Variants in PTPRD observed in about 807,000 individuals in gnomAD.
PTPRD encodes the protein receptor-type tyrosine-protein phosphatase delta.
In PTPRD, 34 loss-of-function variants were observed where a neutral mutation model predicts 214.5. The ratio of observed to expected loss-of-function variants is 0.16; its 90% CI spans 0.12 to 0.21. The LOEUF (loss-of-function observed/expected upper bound fraction) is 0.21. PTPRD is among the 10% of genes least tolerant of loss of function. The probability of loss-of-function intolerance (pLI) is 1.00; values close to 1 mark genes in which losing one functional copy is unlikely to be tolerated. For synonymous variants in PTPRD, 1,128 were observed against 845.7 expected (o/e 1.33, Z -5.79); for missense variants, 2,545 against 2,398.7 (o/e 1.06, Z -1.27).
intron 5 of PTPRD, among the ~76,000 whole-genome samples, chr9:9,917,808 T>G (rs994903535): frequency 1.3e-5 from 2 of 152,188 alleles, no homozygotes; most frequent in Non-Finnish European, 2.9e-5. Context: ...ATAAATGTGA[T>G]ACATCACATT....
At chr9:10,322,143 T>G (rs192843503) in intron 3 of PTPRD, among the ~76,000 whole-genome samples, 1 of 151,994 alleles carries the variant, frequency 6.6e-6, no homozygotes, top group African/African-American at 2.4e-5. Flanking sequence ...CATTAAATAT[T>G]TGATCAGCTT....
intron 5 of PTPRD, among the ~76,000 whole-genome samples, chr9:9,825,326 G>C (rs10816191): frequency 0.1 from 15,089 of 151,284 alleles, 2,278 homozygotes; most frequent in East Asian, 0.74. Flanking sequence ...GAAAGAAAGA[G>C]AGAGAGAAAG....
intron 8 of PTPRD, among the ~76,000 whole-genome samples, chr9:9,406,392 A>G (rs1222728835): frequency 6.6e-6 from 1 of 151,922 alleles, no homozygotes; most frequent in East Asian, 1.9e-4. Context: ...AAGAATTAAG[A>G]AAGTAAGAGA....
rs114596672 is a variant in PTPRD at position 8,404,084 on chromosome 9, G to C, written c.4210+453C>G. Reference sequence around the variant, plus strand: ...GCCTATGTATAATTTATTTGTGTGAGAAAGAAAAAGTAGGAAAAAGCTATG... The same window carrying C: ...GCCTATGTATAATTTATTTGTGTGACAAAGAAAAAGTAGGAAAAAGCTATG... On this transcript the variant is annotated intron_variant, in intron 36 of 45. Coordinates refer to ENST00000381196, the MANE Select transcript of PTPRD (RefSeq NM_002839.4). Among the ~76,000 whole-genome samples the C allele has an allele frequency of 3.9e-3, 591 of 152,260 alleles. 11 individuals are homozygous for C. The highest frequency in any genetic ancestry group is 0.014 in the African/African-American group (565 of 41,558).
intron 9 of PTPRD, among the ~76,000 whole-genome samples, chr9:9,354,941 A>T (rs1287473346): frequency 6.6e-6 from 1 of 151,770 alleles, no homozygotes; most frequent in Non-Finnish European, 1.5e-5. Context: ...AAAGGAGGAA[A>T]ATGTGACAGT....
At position 10,243,964 on chromosome 9, in the gene PTPRD, A is replaced by C. The variant is rs376794113; in HGVS notation, c.-545+96999T>G. ...TTGTTGTATAACACTAGGTAAATTA[A>C]CCTCTTAACAGCTTGTTCATCTCTA... On this transcript the variant is annotated intron_variant, in intron 3 of 45. Transcript: ENST00000381196. Among the ~76,000 whole-genome samples the C allele has an allele frequency of 3.3e-5, 5 of 152,178 alleles. No homozygotes were observed. In the East Asian group the frequency reaches 7.7e-4, roughly 24 times the overall value.
intron 2 of PTPRD, among the ~76,000 whole-genome samples, chr9:10,578,992 AT>A (rs2070684008): frequency 6.6e-6 from 1 of 151,956 alleles, no homozygotes; most frequent in Non-Finnish European, 1.5e-5. Flanking sequence ...TGCCATGGTG[AT>A]TTGCTGCACC....
In PTPRD at chr9:8,497,225, A is replaced by C; in HGVS notation, c.2349+17T>G. On this transcript the variant is annotated intron_variant, in intron 26 of 45. Coordinates refer to ENST00000381196, the MANE Select transcript of PTPRD (RefSeq NM_002839.4). ...ATATATAGTCTGCTTTTGACAAAAC[A>C]GTCAAAAATTACTCACATGTTCAGT... 1.3e-6 allele frequency: 2 copies of C among 1,585,666 alleles called. No individual in the cohort carries two copies. Among genetic ancestry groups the C allele is most frequent in the South Asian group, 1.2e-5 (1 of 85,242 alleles).
Position 9,066,206 on chromosome 9 carries a change from CT to C in PTPRD, c.-142-47472del, listed in dbSNP as rs1018765887. 1.6e-4 allele frequency among the ~76,000 whole-genome samples: 24 copies of C among 152,094 alleles called. No individual in the cohort carries two copies. The South Asian group carries it at 2.9e-3, about 18-fold the overall frequency. ...CTCATAAAATCAATTAGGATGGGTCCTTTTTTTATTCCCTGGAAGATTTTGT... is the reference window on the plus strand; with the variant it reads ...CTCATAAAATCAATTAGGATGGGTCCTTTTTTATTCCCTGGAAGATTTTGT... On this transcript the variant is annotated intron_variant, in intron 10 of 45. Transcript: ENST00000381196.
At chr9:8,859,806 G>GGT (rs779840416) in intron 11 of PTPRD, 1 of 151,008 alleles carries the variant, frequency 6.6e-6, no homozygotes, top group South Asian at 2.1e-4. Context: ...CAGCAATTTG[G>GGT]GGGTGGGGGA....
At chr9:9,416,311 A>G (rs184355225) in intron 8 of PTPRD, among the ~76,000 whole-genome samples, 1 of 152,314 alleles carries the variant, frequency 6.6e-6, no homozygotes, top group African/African-American at 2.4e-5. Flanking sequence ...CAGTGTTATG[A>G]GTGGGTAAGT....
chr9:9,456,005 T>C (rs977990436), intron 8 of PTPRD, among the ~76,000 whole-genome samples: 1 of 151,852 alleles, frequency 6.6e-6, no homozygotes, highest in African/African-American at 2.4e-5. Context: ...GCCATATTTA[T>C]TGATAAATGT....
intron 8 of PTPRD, among the ~76,000 whole-genome samples, chr9:9,425,378 A>G (rs1231476324): frequency 2.1e-5 from 2 of 95,492 alleles, no homozygotes; most frequent in African/African-American, 7.9e-5. Context: ...ATATATTATA[A>G]TATCTTATAC....
At chr9:9,416,006 G>A (rs145461803) in intron 8 of PTPRD, among the ~76,000 whole-genome samples, 305 of 151,972 alleles carry the variant, frequency 2.0e-3, no homozygotes, top group African/African-American at 7.0e-3. Context: ...TGTAGGAAAT[G>A]TTTTTAAAAA....
intron 4 of PTPRD, among the ~76,000 whole-genome samples, chr9:10,023,777 G>GA (rs926435391): frequency 1.7e-4 from 26 of 151,414 alleles, no homozygotes; most frequent in Admixed American, 5.3e-4. Context: ...AAAGCTTTGG[G>GA]AAAAAAAACT....
intron 9 of PTPRD, among the ~76,000 whole-genome samples, chr9:9,390,548 T>C (rs2065447811): frequency 6.6e-6 from 1 of 152,002 alleles, no homozygotes; most frequent in African/African-American, 2.4e-5. Flanking sequence ...AAGAAGAAAA[T>C]AATTTTAAAA....
chr9:9,655,488 G>C (rs1352786087), intron 7 of PTPRD, among the ~76,000 whole-genome samples: 2 of 151,568 alleles, frequency 1.3e-5, no homozygotes, highest in African/African-American at 4.9e-5. Flanking sequence ...AGAATTGCTT[G>C]AACCCAGGAG....
intron 11 of PTPRD, among the ~76,000 whole-genome samples, chr9:8,999,895 T>A (rs2099411100): frequency 6.6e-6 from 1 of 151,916 alleles, no homozygotes; most frequent in African/African-American, 2.4e-5. Context: ...GAAAAATAAA[T>A]CCTCTCAACA....
chr9:8,352,374 T>A (rs978368905), intron 39 of PTPRD, among the ~76,000 whole-genome samples: 1 of 152,200 alleles, frequency 6.6e-6, no homozygotes, highest in Non-Finnish European at 1.5e-5. Context: ...AATCAAATGA[T>A]GCTACGGAAG....
Sources: allele counts gnomAD v4.1 joint callset (sites outside exome capture counted in the v4.1 genomes callset), GRCh38; gene constraint gnomAD v4.1.1; transcripts MANE v1.5; gene names NCBI Gene and HGNC (gene_info 2026-07-23, HGNC 2026-07-21).